Variants in SPHKAP observed in about 807,000 individuals in gnomAD.
SPHKAP encodes SPHK1 interactor, AKAP domain containing, also known as A-kinase anchor protein SPHKAP.
SPHKAP carries 67 observed loss-of-function variants against 137.5 expected under a neutral mutation model. The observed-to-expected ratio is 0.49, with a 90% CI of 0.40 to 0.60. The LOEUF (loss-of-function observed/expected upper bound fraction) is 0.60, where lower values mean the gene tolerates loss of function less well. Ranked by LOEUF, SPHKAP falls within the 20% of genes least tolerant of loss-of-function variation. The probability of loss-of-function intolerance (pLI) is 0.00; values close to 1 mark genes in which losing one functional copy is unlikely to be tolerated. For synonymous variants in SPHKAP, 813 were observed against 785.3 expected, an observed-to-expected ratio of 1.04 and a Z score of -0.59; for missense variants, 2,097 against 2,069.3, an observed-to-expected ratio of 1.01 and a Z score of -0.26.
intron 11 of SPHKAP, among the ~76,000 whole-genome samples, chr2:227,986,585 A>G (rs959267766): frequency 2.0e-5 from 3 of 152,186 alleles, no homozygotes; most frequent in Non-Finnish European, 2.9e-5. Context: ...AAAATTTGTT[A>G]AAGTCAATAC....
chr2:228,023,150 C>T (rs1338439078), intron 5 of SPHKAP, among the ~76,000 whole-genome samples: 4 of 152,198 alleles, frequency 2.6e-5, no homozygotes, highest in East Asian at 3.9e-4. Flanking sequence ...TCATTGGAAT[C>T]GTAATAAAAG....
intron 9 of SPHKAP, chr2:227,991,755 T>G (rs757746000): frequency 8.0e-5 from 65 of 813,784 alleles, no homozygotes; most frequent in Non-Finnish European, 9.7e-5. Context: ...ACAATTTTTT[T>G]TCTATACTAC....
chr2:227,988,197 T>C (rs1693286601), intron 11 of SPHKAP, among the ~76,000 whole-genome samples: 1 of 152,126 alleles, frequency 6.6e-6, no homozygotes, highest in Non-Finnish European at 1.5e-5. Flanking sequence ...CTTTAACCAG[T>C]TCAGTCACAG....
chr2:228,123,990 T>A (rs1698995174), intron 2 of SPHKAP, among the ~76,000 whole-genome samples: 1 of 151,936 alleles, frequency 6.6e-6, no homozygotes, highest in African/African-American at 2.4e-5. Flanking sequence ...AAAATGCTCA[T>A]CATCACTGGC....
chr2:228,038,183 TC>T (rs1695703781), intron 3 of SPHKAP, among the ~76,000 whole-genome samples: 1 of 152,156 alleles, frequency 6.6e-6, no homozygotes, highest in African/African-American at 2.4e-5. Context: ...GCAGGACATG[TC>T]CTTAAAGTGA....
intron 11 of SPHKAP, among the ~76,000 whole-genome samples, chr2:227,987,578 A>G (rs1011075296): frequency 1.1e-4 from 17 of 152,206 alleles, no homozygotes; most frequent in Admixed American, 3.3e-4. Context: ...CACAAGTGAA[A>G]GGGAAAATTT....
chr2:227,982,124 C>CT (rs1300290781), intron 11 of SPHKAP: 767 of 892,146 alleles, frequency 8.6e-4, no homozygotes, highest in East Asian at 2.2e-3. Context: ...GAGACTAATT[C>CT]TTTTTTTTTT....
chr2:228,168,282 G>A (rs183558655), intron 1 of SPHKAP, among the ~76,000 whole-genome samples: 1 of 152,158 alleles, frequency 6.6e-6, no homozygotes, highest in East Asian at 1.9e-4. Flanking sequence ...TTTAATAATG[G>A]ATATAGACAG....
chr2:228,051,410 A>G (rs1470060974), intron 3 of SPHKAP, among the ~76,000 whole-genome samples: 2 of 152,216 alleles, frequency 1.3e-5, no homozygotes, highest in African/African-American at 2.4e-5. Context: ...ATGTTAATCA[A>G]TGAAATGCAA....
intron 3 of SPHKAP, among the ~76,000 whole-genome samples, chr2:228,052,190 GAAAAA>G (rs376532682): frequency 1.4e-5 from 2 of 140,328 alleles, no homozygotes; most frequent in Admixed American, 1.4e-4. Context: ...AGAACAAAAA[GAAAAA>G]AAAAAGAGGA....
chr2:228,027,991 A>AG, intron 3 of SPHKAP: 11 of 983,210 alleles, frequency 1.1e-5, no homozygotes, highest in Non-Finnish European at 1.3e-5. Flanking sequence ...AAAGAAAAAA[A>AG]GAAATAGTAA....
intron 3 of SPHKAP, among the ~76,000 whole-genome samples, chr2:228,036,766 C>T (rs542389328): frequency 1.1e-4 from 17 of 151,854 alleles, no homozygotes; most frequent in South Asian, 2.1e-4. Flanking sequence ...CATCATTTTC[C>T]GAAAACTATC....
chr2:228,020,841 C>A (rs927763571), intron 6 of SPHKAP, among the ~76,000 whole-genome samples: 17 of 151,988 alleles, frequency 1.1e-4, no homozygotes, highest in African/African-American at 3.4e-4. Context: ...TGATAGAATG[C>A]CACCCAACAA....
chr2:228,121,065 C>T (rs903285424), intron 2 of SPHKAP, among the ~76,000 whole-genome samples: 8 of 152,128 alleles, frequency 5.3e-5, no homozygotes, highest in Admixed American at 2.6e-4. Flanking sequence ...ATATGAAGTG[C>T]GTGAAAGCCT....
chr2:228,052,823 T>C (rs1231398823), intron 3 of SPHKAP, among the ~76,000 whole-genome samples: 1 of 152,168 alleles, frequency 6.6e-6, no homozygotes. Flanking sequence ...TTGTTATACA[T>C]TTATATTTAA....
chr2:228,025,740 TACATTTTACAAAAGTAA>T (rs1341090889), intron 4 of SPHKAP: 16 of 697,336 alleles, frequency 2.3e-5, no homozygotes, highest in Non-Finnish European at 2.8e-5. Flanking sequence ...TCTTTAGTTC[TACATTTTACAAAAGTAA>T]ACATTTTACA....
At chr2:228,058,815 T>C (rs1206635615) in intron 3 of SPHKAP, among the ~76,000 whole-genome samples, 1 of 152,250 alleles carries the variant, frequency 6.6e-6, no homozygotes, top group African/African-American at 2.4e-5. Context: ...TGAATTTACA[T>C]GTAGCATAGC....
At chr2:228,161,196 G>C (rs978509926) in intron 1 of SPHKAP, among the ~76,000 whole-genome samples, 4 of 152,190 alleles carry the variant, frequency 2.6e-5, no homozygotes, top group African/African-American at 9.7e-5. Context: ...GAATTAGCTA[G>C]GTAAAGAGAC....
intron 1 of SPHKAP, among the ~76,000 whole-genome samples, chr2:228,161,445 G>T (rs1700270520): frequency 6.6e-6 from 1 of 152,152 alleles, no homozygotes; most frequent in South Asian, 2.1e-4. Context: ...TAAGATATTT[G>T]CTCAGAGAAC....
Sources: gnomAD v4.1 joint callset for allele counts (sites outside exome capture counted in the v4.1 genomes callset) on GRCh38, gnomAD v4.1.1 for gene constraint, MANE v1.5 for transcripts, NCBI Gene and HGNC (gene_info 2026-07-23, HGNC 2026-07-21) for gene names.